The following DAB1 variants were observed in gnomAD, a reference collection of about 807,000 sequenced individuals.
DAB1 encodes the protein disabled homolog 1.
DAB1 carries 15 observed loss-of-function variants against 64.6 expected under a neutral mutation model. The observed-to-expected ratio is 0.23, with a 90% confidence interval of 0.16 to 0.36. The LOEUF (loss-of-function observed/expected upper bound fraction) is 0.36. Among genes scored for constraint, DAB1 ranks in the 10% least tolerant of loss-of-function variants. The probability of loss-of-function intolerance (pLI) is 1.00; values close to 1 mark genes in which losing one functional copy is unlikely to be tolerated. For missense variants in DAB1, 596 were observed against 706.7 expected (o/e 0.84, Z 1.78); for synonymous variants, 235 against 251.9 (o/e 0.93, Z 0.64).
At chr1:58,521,180 C>T (rs765985209) in intron 2 of DAB1, among the ~76,000 whole-genome samples, 11 of 152,114 alleles carry the variant, frequency 7.2e-5, no homozygotes, top group Non-Finnish European at 1.5e-4. Context: ...AAGCAATATA[C>T]TTCTAAATAA....
chr1:57,456,201 G>A (rs1212948715), intron 7 of DAB1, among the ~76,000 whole-genome samples: 1 of 152,048 alleles, frequency 6.6e-6, no homozygotes, highest in Non-Finnish European at 1.5e-5. Context: ...TCAGTGCTCA[G>A]GTATTTCATT....
intron 7 of DAB1, among the ~76,000 whole-genome samples, chr1:57,487,643 C>G (rs1418561433): frequency 1.3e-5 from 2 of 152,192 alleles, no homozygotes; most frequent in East Asian, 3.9e-4. Context: ...GTATTCAGTA[C>G]AGTAACAGGC....
chr1:57,944,551 A>G (rs1239996049), intron 5 of DAB1, among the ~76,000 whole-genome samples: 3 of 152,220 alleles, frequency 2.0e-5, no homozygotes. Flanking sequence ...GGATTTCTTA[A>G]GTAAAGATAT....
chr1:57,202,475 C>A (rs976198833), intron 2 of DAB1, among the ~76,000 whole-genome samples: 3 of 152,108 alleles, frequency 2.0e-5, no homozygotes, highest in Non-Finnish European at 2.9e-5. Context: ...TAACTAAGAT[C>A]CGTTTACCTG....
intron 5 of DAB1, among the ~76,000 whole-genome samples, chr1:57,924,419 C>G (rs939501417): frequency 5.3e-5 from 8 of 152,156 alleles, no homozygotes; most frequent in Non-Finnish European, 1.2e-4. Flanking sequence ...ACCCCTGAAT[C>G]TCCTAGCTTC....
chr1:58,507,518 A>C (rs1646007698), intron 2 of DAB1, among the ~76,000 whole-genome samples: 1 of 152,028 alleles, frequency 6.6e-6, no homozygotes, highest in South Asian at 2.1e-4. Context: ...AAGACCTCTG[A>C]GTATTCTAAG....
intron 4 of DAB1, among the ~76,000 whole-genome samples, chr1:58,189,347 A>G (rs531685265): frequency 6.6e-6 from 1 of 152,336 alleles, no homozygotes; most frequent in African/African-American, 2.4e-5. Context: ...ATTTAATTTT[A>G]TATTCAGGAA....
intron 6 of DAB1, among the ~76,000 whole-genome samples, chr1:57,715,591 T>A (rs1374996308): frequency 2.6e-5 from 4 of 152,184 alleles, no homozygotes; most frequent in African/African-American, 4.8e-5. Context: ...TTTTGTAAAG[T>A]TGTAGGATAT....
chr1:58,199,582 A>C (rs1657888074), intron 4 of DAB1, among the ~76,000 whole-genome samples: 1 of 152,204 alleles, frequency 6.6e-6, no homozygotes, highest in African/African-American at 2.4e-5. Flanking sequence ...ACAGTACCTG[A>C]CATGTCATTT....
At chr1:57,000,425 C>A (rs983347719) in intron 14 of DAB1, among the ~76,000 whole-genome samples, 2 of 152,108 alleles carry the variant, frequency 1.3e-5, no homozygotes, top group African/African-American at 4.8e-5. Flanking sequence ...GATTATAATG[C>A]TGTTTCTAGT....
chr1:58,082,480 G>A lies in DAB1; in HGVS notation n.387+68031C>T, dbSNP rs1557642400. ...TTGTCCTCAAAGACTTTCCTGTCTC[G>A]TGAAAGAGATGACATAAGTAGAAAT... On this transcript the variant is annotated intron_variant and non_coding_transcript_variant, in intron 5 of 20. Transcript: ENST00000485760. Among the ~76,000 whole-genome samples, 3 of 151,992 alleles carry A rather than the reference G, an allele frequency of 2.0e-5. 1 individual carries two copies. The highest frequency in any genetic ancestry group is 6.8e-3 in the Middle Eastern group (2 of 294).
chr1:58,194,755 A>G lies in DAB1; in HGVS notation n.310-44167T>C, dbSNP rs146138966. On this transcript the variant is annotated intron_variant and non_coding_transcript_variant, in intron 4 of 20. Coordinates refer to the DAB1 transcript ENST00000485760. Reference sequence around the variant, plus strand: ...ATTCCAACTCCATTCATCTTTCTCAACGTTCCATGGTGTCATTCTAGCTAG... The same window carrying G: ...ATTCCAACTCCATTCATCTTTCTCAGCGTTCCATGGTGTCATTCTAGCTAG... Among the ~76,000 whole-genome samples the G allele has an allele frequency of 9.2e-5, 14 of 152,254 alleles. No homozygotes were observed. The South Asian group carries it at 2.9e-3, about 32-fold the overall frequency.
intron 1 of DAB1, among the ~76,000 whole-genome samples, chr1:57,869,728 G>A (rs1557527769): frequency 6.6e-6 from 1 of 152,152 alleles, no homozygotes; most frequent in Non-Finnish European, 1.5e-5. Context: ...CAGCATGTGG[G>A]AAAGCTAATT....
At chr1:58,262,965 C>A (rs1406072633) in intron 4 of DAB1, among the ~76,000 whole-genome samples, 1 of 152,150 alleles carries the variant, frequency 6.6e-6, no homozygotes, top group African/African-American at 2.4e-5. Flanking sequence ...CAGCAGCCAA[C>A]CTATGATGAA....
intron 3 of DAB1, among the ~76,000 whole-genome samples, chr1:58,348,950 C>T (rs1644026044): frequency 6.6e-6 from 1 of 152,138 alleles, no homozygotes; most frequent in Non-Finnish European, 1.5e-5. Context: ...TGACTGTAGT[C>T]CATCTGGAAA....
chr1:58,050,424 T>G (rs1647565486), intron 5 of DAB1, among the ~76,000 whole-genome samples: 1 of 152,148 alleles, frequency 6.6e-6, no homozygotes, highest in Non-Finnish European at 1.5e-5. Flanking sequence ...ATGATGGGAT[T>G]TTGGACTAGA....
chr1:57,709,707 G>T (rs1159697850), intron 6 of DAB1, among the ~76,000 whole-genome samples: 4 of 152,088 alleles, frequency 2.6e-5, no homozygotes, highest in Non-Finnish European at 5.9e-5. Flanking sequence ...TCTGACTTAC[G>T]CACAAGATTG....
At chr1:57,361,195 T>C (rs1431208677) in intron 1 of DAB1, among the ~76,000 whole-genome samples, 1 of 152,140 alleles carries the variant, frequency 6.6e-6, no homozygotes, top group Non-Finnish European at 1.5e-5. Flanking sequence ...ACAGATGTAA[T>C]ATCAAATACT....
intron 1 of DAB1, among the ~76,000 whole-genome samples, chr1:57,351,825 G>A (rs1678613200): frequency 6.6e-6 from 1 of 151,902 alleles, no homozygotes; most frequent in Non-Finnish European, 1.5e-5. Flanking sequence ...AATGAATTTG[G>A]ATAAAACACC....
Sources: gnomAD v4.1 joint callset for allele counts (sites outside exome capture counted in the v4.1 genomes callset) on GRCh38, gnomAD v4.1.1 for gene constraint, MANE v1.5 for transcripts, NCBI Gene and HGNC (gene_info 2026-07-23, HGNC 2026-07-21) for gene names.